Variants in PRRT1 observed in about 807,000 individuals in gnomAD.
PRRT1 encodes the protein proline rich transmembrane protein 1, also known as proline-rich transmembrane protein 1.
Under a neutral mutation model 22.6 loss-of-function variants are expected in PRRT1, and 8 were observed. The observed-to-expected ratio is 0.35, with a 90% CI of 0.21 to 0.64. The LOEUF (loss-of-function observed/expected upper bound fraction) is 0.64. Among genes scored for constraint, PRRT1 ranks in the 30% least tolerant of loss-of-function variants. The pLI is 0.69. For missense variants in PRRT1, 315 were observed against 444.5 expected, an observed-to-expected ratio of 0.71 and a Z score of 2.62; for synonymous variants, 176 against 203.6, an observed-to-expected ratio of 0.86 and a Z score of 1.15.
Position 32,149,197 on chromosome 6 carries a change from G to A in PRRT1, c.*25C>T, listed in dbSNP as rs1274513178. 6.2e-7 allele frequency: 1 copy of A among 1,609,426 alleles called. No individual in the cohort carries two copies. Among genetic ancestry groups the A allele is most frequent in the Non-Finnish European group, 8.5e-7 (1 of 1,178,732 alleles). On this transcript the variant is annotated 3_prime_UTR_variant, in exon 4 of 4. Transcript: ENST00000211413. The surrounding 1 kb of genome is among the most constrained non-coding windows in gnomAD (Gnocchi z 8.7). ...AGAGCCTGGGAGATCGAGGGGCGCA[G>A]AGTGGGGCCGGACCAGGGGCGTTTT...
chr6:32,150,925 GGA>G lies in PRRT1; in HGVS notation c.20-21_20-20del, dbSNP rs751686270. On this transcript the variant is annotated intron_variant, in intron 1 of 3. Coordinates refer to ENST00000211413, the MANE Select transcript of PRRT1 (RefSeq NM_030651.4). This position sits in a 1 kb window ranked among gnomAD's most constrained non-coding sequence, Gnocchi z 7.2. Reference sequence around the variant, plus strand: ...GGGAGTCCTGGGGGAGGTGAGTGGAGGAGAGTATAAGAGGAAAGATGACACAG... The same window carrying G: ...GGGAGTCCTGGGGGAGGTGAGTGGAGGAGTATAAGAGGAAAGATGACACAG... 6.4e-6 allele frequency: 10 copies of G among 1,557,240 alleles called. 1 individual carries two copies. The South Asian group carries it at 1.2e-4, about 18-fold the overall frequency.
upstream of PRRT1, chr6:32,152,015 G>A: frequency 8.5e-6 from 5 of 586,350 alleles, no homozygotes; most frequent in South Asian, 7.7e-5. Flanking sequence ...TAAAGGGACC[G>A]AGGCGAGGGA....
chr6:32,148,956 G>T lies in PRRT1; in HGVS notation c.*266C>A, dbSNP rs770373725. ...GGGCGCTACACTTTGAGGGTGAGGG[G>T]GCCTGGAGCGACTGAGGGTCCGGCG... is the stretch of plus-strand genomic sequence containing the variant. On this transcript the variant is annotated 3_prime_UTR_variant, in exon 4 of 4. Transcript: ENST00000211413. The surrounding 1 kb of genome is among the most constrained non-coding windows in gnomAD (Gnocchi z 5.7). 5.5e-5 allele frequency: 38 copies of T among 690,798 alleles called. No individual in the cohort carries two copies. Among genetic ancestry groups the T allele is most frequent in the Non-Finnish European group, 9.8e-5 (37 of 377,662 alleles). 42.8% of individuals were successfully genotyped at this position (690,798 alleles called of 1,614,324 possible).
In PRRT1 at chr6:32,150,972, T is replaced by A; in HGVS notation, c.20-66A>T. 4.7e-6 allele frequency: 6 copies of A among 1,264,658 alleles called. No individual in the cohort carries two copies. The highest frequency in any genetic ancestry group is 6.7e-6 in the Non-Finnish European group (6 of 897,788). The allele number at this position is 1,264,658 out of a possible 1,614,324, so 78.3% of individuals were successfully genotyped here. Reference sequence around the variant, plus strand: ...ACACAGTGATGAGTTGAGGAGGGGGTAAGGGGAAACACAGCCGGTCAGGGA... The same window carrying A: ...ACACAGTGATGAGTTGAGGAGGGGGAAAGGGGAAACACAGCCGGTCAGGGA... On this transcript the variant is annotated intron_variant, in intron 1 of 3. Transcript: ENST00000211413. The surrounding 1 kb of genome is among the most constrained non-coding windows in gnomAD (Gnocchi z 7.2).
upstream of PRRT1, chr6:32,151,954 G>GT: frequency 3.2e-6 from 1 of 311,400 alleles, no homozygotes; most frequent in Non-Finnish European, 6.2e-6. Context: ...GCAGCGGCGG[G>GT]GGGGGGGGGC....
Position 32,151,879 on chromosome 6 carries a change from G to A in PRRT1, c.-52C>T, listed in dbSNP as rs765589014. 8.0e-5 allele frequency: 127 copies of A among 1,578,522 alleles called. No individual in the cohort carries two copies. Among genetic ancestry groups the A allele is most frequent in the Non-Finnish European group, 1.1e-5 (13 of 1,153,294 alleles). ...CCTGCAGCCGGAGTGGGGGTCCTCG[G>A]CCGGTGCTGGAGTCTGGGTGCTGGA... On this transcript the variant is annotated 5_prime_UTR_variant, in exon 1 of 4. Transcript: ENST00000211413.
At position 32,150,691 on chromosome 6, in the gene PRRT1, C is replaced by A; in HGVS notation, c.235G>T (p.Ala79Ser). 1 of 1,437,034 alleles carries A rather than the reference C, an allele frequency of 7.0e-7. No individual in the cohort carries two copies. Among genetic ancestry groups the A allele is most frequent in the Admixed American group, 3.0e-5 (1 of 33,874 alleles). 89.0% of individuals were successfully genotyped at this position (1,437,034 alleles called of 1,614,324 possible). Reference protein sequence around the residue: ...ATAQRGPSSSATLPRPPHHAP... With the variant: ...ATAQRGPSSSSTLPRPPHHAP... ...TGGTGGGGGGGCCTCGGCAGCGTGG[C>A]AGAGGAGGAGGGACCGCGCTGAGCG... is the stretch of plus-strand genomic sequence containing the variant. Residue 79 changes from alanine to serine, a missense_variant, in exon 2 of 4, where the codon GCC becomes TCC. Ala to Ser is a moderately conservative substitution (Grantham distance 99). Coordinates refer to ENST00000211413, the MANE Select transcript of PRRT1 (RefSeq NM_030651.4). The surrounding 1 kb of genome is among the most constrained non-coding windows in gnomAD (Gnocchi z 7.2).
At chr6:32,151,787 G>A in intron 1 of PRRT1, 22 bp downstream of exon 1, 5 of 1,592,792 alleles carry the variant, frequency 3.1e-6, no homozygotes, top group Non-Finnish European at 4.3e-6. Flanking sequence ...GAGGGGGTGG[G>A]AGGTTTTGTT....
At chr6:32,151,602 A>G (rs1006534909) in intron 1 of PRRT1, 1 of 593,802 alleles carries the variant, frequency 1.7e-6, no homozygotes, top group African/African-American at 1.9e-5. Context: ...TGTTGTTGGC[A>G]AGGGGCAGAG....
rs192345287 is a variant in PRRT1 at position 32,149,587 on chromosome 6, T to G, written c.694A>C (p.Ile232Leu). Residue 232 changes from isoleucine (I) to leucine (L), a missense_variant, in exon 3 of 4, where the codon ATC becomes CTC. Physicochemically the swap from Ile to Leu is conservative, Grantham distance 5. Around this residue, in one of 4 missense-constraint regions of PRRT1, gnomAD observed 25 missense variants for 47.8 expected, o/e 0.52. Transcript: ENST00000211413. This position sits in a 1 kb window ranked among gnomAD's most constrained non-coding sequence, Gnocchi z 8.7. Reference sequence around the variant, plus strand: ...ATGCCAGTAGGCCAGAAGCAACAGATGGTGGTCAGCACCGCGATGGGCATG... The same window carrying G: ...ATGCCAGTAGGCCAGAAGCAACAGAGGGTGGTCAGCACCGCGATGGGCATG... ...DYMPIAVLTT[I>L]CCFWPTGIIA... 3 of 1,613,016 alleles carry G rather than the reference T, an allele frequency of 1.9e-6. No individual in the cohort carries two copies. The highest frequency in any genetic ancestry group is 2.5e-6 in the Non-Finnish European group (3 of 1,179,998).
rs548570718 is a variant in PRRT1, at chr6:32,149,408, AG to A, written c.745-11del. On this transcript the variant is annotated splice_polypyrimidine_tract_variant and intron_variant, in intron 3 of 3. Coordinates refer to ENST00000211413, the MANE Select transcript of PRRT1 (RefSeq NM_030651.4). The surrounding 1 kb of genome is among the most constrained non-coding windows in gnomAD (Gnocchi z 8.7). ...CCAAGGCCGTGCGCACCTACGGAGG[AG>A]GGGTGGGGGAAGGAGGTCAAAGAGC... is the stretch of plus-strand genomic sequence containing the variant. 86 of 1,595,772 alleles carry A rather than the reference AG, an allele frequency of 5.4e-5. No homozygotes were observed. The African/African-American group carries it at 1.1e-3, about 20-fold the overall frequency.
chr6:32,152,253 ACAGGTT>A, upstream of PRRT1: 1 of 502,560 alleles, frequency 2.0e-6, no homozygotes, highest in South Asian at 1.6e-5. Flanking sequence ...GAGGAAGTGA[ACAGGTT>A]CTCAGTGGAG....
chr6:32,151,690 G>C, intron 1 of PRRT1, 119 bp downstream of exon 1: 1 of 640,544 alleles, frequency 1.6e-6, no homozygotes, highest in Non-Finnish European at 2.8e-6. Context: ...TTGAGAGCTG[G>C]AGAGAAGGGG....
chr6:32,151,263 G>T (rs1220109828), intron 1 of PRRT1: 1 of 541,240 alleles, frequency 1.8e-6, no homozygotes, highest in East Asian at 3.3e-5. Context: ...GTGTGCGTAT[G>T]CGTAGACATG....
At chr6:32,152,464 C>T (rs1300211970), upstream of PRRT1, among the ~76,000 whole-genome samples, 2 of 152,122 alleles carry the variant, frequency 1.3e-5, no homozygotes, top group Non-Finnish European at 2.9e-5. Context: ...GTGAACCTAC[C>T]AACCTAGCAG....
Position 32,149,381 on chromosome 6 carries a change from G to A in PRRT1, c.762C>T (p.Ala254=). The A allele has an allele frequency of 6.2e-7, 1 of 1,601,882 alleles. No individual in the cohort carries two copies. The highest frequency in any genetic ancestry group is 8.5e-7 in the Non-Finnish European group (1 of 1,171,680). ...FKAVQVRTAL[A]RGDMVSAEIA... The stretch of plus-strand genomic sequence containing the variant: ...TCTCGGCCGACACCATGTCTCCGCG[G>A]GCCAAGGCCGTGCGCACCTACGGAG... The change falls in exon 4 of 4, where the codon GCC becomes GCT. Residue 254 remains alanine (A), a synonymous_variant. Coordinates refer to ENST00000211413, the MANE Select transcript of PRRT1 (RefSeq NM_030651.4). The surrounding 1 kb of genome is among the most constrained non-coding windows in gnomAD (Gnocchi z 8.7).
chr6:32,151,189 C>A, intron 1 of PRRT1: 1 of 666,856 alleles, frequency 1.5e-6, no homozygotes, highest in Admixed American at 2.3e-5. Context: ...CTCTCACCTG[C>A]AGACCTAATC....
Position 32,149,930 on chromosome 6 carries a change from G to A in PRRT1, c.559-208C>T, listed in dbSNP as rs972389818. The A allele has an allele frequency of 1.1e-5, 6 of 568,536 alleles. No homozygotes were observed. In the South Asian group the frequency reaches 1.4e-4, roughly 13 times the overall value. The allele number at this position is 568,536 out of a possible 1,614,324, so 35.2% of individuals were successfully genotyped here. Reference sequence around the variant, plus strand: ...GCTTCATTAACCACCATATTCTTGGGCTTTCTACATTCTCTCCCGCAAGGT... The same window carrying A: ...GCTTCATTAACCACCATATTCTTGGACTTTCTACATTCTCTCCCGCAAGGT... On this transcript the variant is annotated intron_variant, in intron 2 of 3. Coordinates refer to ENST00000211413, the MANE Select transcript of PRRT1 (RefSeq NM_030651.4). This position sits in a 1 kb window ranked among gnomAD's most constrained non-coding sequence, Gnocchi z 8.7.
In PRRT1 at chr6:32,150,383, G is replaced by A. The variant is rs947118282; in HGVS notation, c.543C>T (p.Val181=). Reference sequence around the variant, plus strand: ...CGGCACTCACCGTGCCCACCGGGTAGACCGGCACGTAAGCAGTGCAAGGCT... The same window carrying A: ...CGGCACTCACCGTGCCCACCGGGTAAACCGGCACGTAAGCAGTGCAAGGCT... ...QLQPCTAYVP[V]YPVGTPYAGG... Residue 181 remains valine (V), a synonymous_variant, in exon 2 of 4, where the codon GTC becomes GTT. Transcript: ENST00000211413. This position sits in a 1 kb window ranked among gnomAD's most constrained non-coding sequence, Gnocchi z 7.2. 17 of 1,555,676 alleles carry A rather than the reference G, an allele frequency of 1.1e-5. No individual in the cohort carries two copies. The highest frequency in any genetic ancestry group is 1.4e-5 in the Non-Finnish European group (16 of 1,158,156).
Sources: gnomAD v4.1 joint callset for allele counts (sites outside exome capture counted in the v4.1 genomes callset) on GRCh38, gnomAD v4.1.1 for gene constraint, gnomAD v4.1.1 regional missense constraint, Gnocchi (gnomAD v3.1) non-coding constraint, MANE v1.5 for transcripts, NCBI Gene and HGNC (gene_info 2026-07-23, HGNC 2026-07-21) for gene names.